VRK2: variants seen among roughly 807,000 people sequenced by gnomAD.
The protein encoded by VRK2 is VRK serine/threonine kinase 2.
Under a neutral mutation model 57.6 loss-of-function variants are expected in VRK2, and 60 were observed. The observed-to-expected ratio is 1.04, with a 90% CI of 0.85 to 1.29. VRK2 has a LOEUF of 1.29. Among genes scored for constraint, VRK2 ranks in the 50% most tolerant of loss-of-function variants. The probability of loss-of-function intolerance (pLI) is 0.00; values close to 1 mark genes in which losing one functional copy is unlikely to be tolerated. For missense variants in VRK2, 705 were observed against 588.1 expected (o/e 1.20, Z -2.06); for synonymous variants, 231 against 199.2 (o/e 1.16, Z -1.35).
chr2:58,086,516 A>G, intron 5 of VRK2, 90 bp downstream of exon 5: 6 of 1,146,020 alleles, frequency 5.2e-6, no homozygotes, highest in Non-Finnish European at 7.3e-6. Context: ...CAAATTACCA[A>G]AACATATTGG....
At chr2:58,141,559 G>A (rs1322825842) in intron 11 of VRK2, among the ~76,000 whole-genome samples, 1 of 151,922 alleles carries the variant, frequency 6.6e-6, no homozygotes, top group Non-Finnish European at 1.5e-5. Flanking sequence ...AGAAATGTAT[G>A]TGATCAGCCT....
rs538323827 is a variant in VRK2 at position 58,139,950 on chromosome 2, C to T, written c.1023+118C>T. 1.3e-3 allele frequency: 1,411 copies of T among 1,101,470 alleles called. 5 individuals carry two copies. Among genetic ancestry groups the T allele is most frequent in the Non-Finnish European group, 1.4e-3 (1,087 of 796,566 alleles). The allele number at this position is 1,101,470 out of a possible 1,614,324, so 68.2% of individuals were successfully genotyped here. On this transcript the variant is annotated intron_variant, in intron 11 of 12. Coordinates refer to ENST00000340157, the MANE Select transcript of VRK2 (RefSeq NM_006296.7). The stretch of plus-strand genomic sequence containing the variant: ...GCTTTCTTCTTCCTTATATTTAACT[C>T]CCATTTTGCCTAACTCAGCACCAAG...
At chr2:57,933,935 T>A (rs1299855143) in intron 1 of VRK2, among the ~76,000 whole-genome samples, 1 of 152,180 alleles carries the variant, frequency 6.6e-6, no homozygotes, top group East Asian at 1.9e-4. Context: ...TTTGTGACCA[T>A]GAAGTTTAAA....
chr2:58,135,221 A>G (rs751774204), intron 10 of VRK2, 22 bp downstream of exon 10: 12 of 1,613,390 alleles, frequency 7.4e-6, no homozygotes, highest in East Asian at 4.5e-5. Context: ...AATAACTTCA[A>G]CCTTCTCTTA....
intron 1 of VRK2, among the ~76,000 whole-genome samples, chr2:58,002,289 T>A (rs1673113608): frequency 6.6e-6 from 1 of 152,066 alleles, no homozygotes; most frequent in Non-Finnish European, 1.5e-5. Context: ...CCAGCCTGGC[T>A]AACATTGTGA....
chr2:57,954,856 A>G (rs1218616111), intron 1 of VRK2, among the ~76,000 whole-genome samples: 1 of 152,168 alleles, frequency 6.6e-6, no homozygotes, highest in African/African-American at 2.4e-5. Context: ...ATTTTTACAC[A>G]AAAGTCAGCA....
chr2:58,153,829 T>G (rs1205577980), intron 12 of VRK2, among the ~76,000 whole-genome samples: 1 of 152,102 alleles, frequency 6.6e-6, no homozygotes, highest in Non-Finnish European at 1.5e-5. Flanking sequence ...TGAAACCATC[T>G]GGGTCTGGAG....
At chr2:58,050,137 A>G (rs761857865) in intron 2 of VRK2, among the ~76,000 whole-genome samples, 19 of 152,212 alleles carry the variant, frequency 1.2e-4, no homozygotes, top group Non-Finnish European at 1.8e-4. Context: ...AAAATTTTCT[A>G]GGAGCCACAT....
At chr2:58,134,692 A>G (rs1356388702) in intron 9 of VRK2, among the ~76,000 whole-genome samples, 2 of 152,020 alleles carry the variant, frequency 1.3e-5, no homozygotes, top group Admixed American at 1.3e-4. Context: ...CCATTAGAAC[A>G]TACCCTTTTG....
intron 1 of VRK2, among the ~76,000 whole-genome samples, chr2:57,995,415 G>C (rs183456409): frequency 6.6e-6 from 1 of 152,052 alleles, no homozygotes; most frequent in Non-Finnish European, 1.5e-5. Flanking sequence ...ATTTTTTCTC[G>C]AAAGCTCAAA....
intron 1 of VRK2, among the ~76,000 whole-genome samples, chr2:57,940,410 T>C (rs985135182): frequency 1.3e-5 from 2 of 152,180 alleles, no homozygotes; most frequent in African/African-American, 2.4e-5. Flanking sequence ...CCACCCACGC[T>C]GAGGAGGACA....
chr2:58,097,524 G>C (rs913574219), intron 7 of VRK2, among the ~76,000 whole-genome samples: 4 of 151,986 alleles, frequency 2.6e-5, no homozygotes, highest in Non-Finnish European at 5.9e-5. Flanking sequence ...CCCCTGTACT[G>C]TTTGGTTAAA....
Position 57,948,094 on chromosome 2 carries a change from T to A in VRK2, c.-439+40255T>A, listed in dbSNP as rs575861400. ...TCCCAGAACTAGACTTAAAACAATA[T>A]CATTTATGCAAGGATGTTTTATATT... is the stretch of plus-strand genomic sequence containing the variant. On this transcript the variant is annotated intron_variant, in intron 1 of 15. Coordinates refer to the VRK2 transcript ENST00000417641. Among the ~76,000 whole-genome samples the A allele has an allele frequency of 6.6e-5, 10 of 152,274 alleles. No homozygotes were observed. In the South Asian group the frequency reaches 1.9e-3, roughly 28 times the overall value.
intron 1 of VRK2, among the ~76,000 whole-genome samples, chr2:57,970,287 T>C (rs1672056715): frequency 6.6e-6 from 1 of 150,870 alleles, no homozygotes; most frequent in South Asian, 2.1e-4. Flanking sequence ...TTTCCCCAAG[T>C]CAGAATTTTC....
intron 7 of VRK2, among the ~76,000 whole-genome samples, chr2:58,094,313 CATTTGTTTGTGTCCTCTTT>C (rs1672812438): frequency 6.6e-6 from 1 of 152,138 alleles, no homozygotes; most frequent in South Asian, 2.1e-4. Context: ...AATGTTCTTC[CATTTGTTTGTGTCCTCTTT>C]TATTCCATTG....
intron 7 of VRK2, among the ~76,000 whole-genome samples, chr2:58,115,584 T>C (rs1373600428): frequency 6.6e-6 from 1 of 152,206 alleles, no homozygotes; most frequent in Non-Finnish European, 1.5e-5. Flanking sequence ...TGGTCCTGGC[T>C]CTTGTGTAAG....
At chr2:58,149,480 G>A (rs1682671155) in intron 12 of VRK2, among the ~76,000 whole-genome samples, 1 of 151,530 alleles carries the variant, frequency 6.6e-6, no homozygotes, top group South Asian at 2.1e-4. Flanking sequence ...TGATGTCTGT[G>A]AATAGAGACA....
chr2:58,059,470 A>G (rs1337904046), intron 2 of VRK2, among the ~76,000 whole-genome samples: 1 of 151,924 alleles, frequency 6.6e-6, no homozygotes, highest in Non-Finnish European at 1.5e-5. Flanking sequence ...ATATTTTTTC[A>G]TTGGATAATA....
chr2:58,123,249 C>G lies in VRK2; in HGVS notation c.676+16C>G. On this transcript the variant is annotated intron_variant, in intron 8 of 12. Transcript: ENST00000340157. Reference sequence around the variant, plus strand: ...AAGGGAGTAGGTGGGTTTCTTTTTTCTTTTTCTTATTTTTATTTCAGAAGA... The same window carrying G: ...AAGGGAGTAGGTGGGTTTCTTTTTTGTTTTTCTTATTTTTATTTCAGAAGA... The G allele has an allele frequency of 3.2e-6, 5 of 1,571,402 alleles. No homozygotes were observed. Among genetic ancestry groups the G allele is most frequent in the Non-Finnish European group, 4.3e-6 (5 of 1,168,024 alleles).
Sources: allele counts gnomAD v4.1 joint callset (sites outside exome capture counted in the v4.1 genomes callset), GRCh38; gene constraint gnomAD v4.1.1; transcripts MANE v1.5; gene names NCBI Gene and HGNC (gene_info 2026-07-23, HGNC 2026-07-21).